The following FMN1 variants were observed in gnomAD, a reference collection of about 807,000 sequenced individuals.
FMN1 encodes formin-1.
Under a neutral mutation model 132.4 loss-of-function variants are expected in FMN1, and 110 were observed. The observed-to-expected ratio is 0.83, with a 90% CI of 0.71 to 0.97. FMN1 has a LOEUF of 0.97. FMN1 is among the 50% of genes least tolerant of loss of function. FMN1 has a pLI of 0.00. For missense variants in FMN1, 1,792 were observed against 1,705.3 expected, an observed-to-expected ratio of 1.05 and a Z score of -0.90; for synonymous variants, 722 against 651.7, an observed-to-expected ratio of 1.11 and a Z score of -1.64.
chr15:32,823,152 G>GTTTTTTTTTTTTTTT (rs373185751), intron 17 of FMN1, among the ~76,000 whole-genome samples: 1 of 86,228 alleles, frequency 1.2e-5, no homozygotes, highest in African/African-American at 5.3e-5. Context: ...AGTTTCTACT[G>GTTTTTTTTTTTTTTT]TTTTTTTTTT....
chr15:32,963,944 C>T (rs2030889972), intron 9 of FMN1, among the ~76,000 whole-genome samples, 163 bp downstream of exon 9: 1 of 149,804 alleles, frequency 6.7e-6, no homozygotes, highest in Non-Finnish European at 1.5e-5. Context: ...CACACACACA[C>T]ACAGAATATG....
Position 33,044,397 on chromosome 15 carries a change from G to A in FMN1, c.2161+20560C>T, listed in dbSNP as rs564587316. On this transcript the variant is annotated intron_variant, in intron 6 of 20. Transcript: ENST00000616417. Reference sequence around the variant, plus strand: ...GTGGGAACTTATGATGCTTTTTCCAGGCCCACCTATGGCCACCCATGGACC... The same window carrying A: ...GTGGGAACTTATGATGCTTTTTCCAAGCCCACCTATGGCCACCCATGGACC... Among the ~76,000 whole-genome samples, 39 of 152,294 alleles carry A rather than the reference G, an allele frequency of 2.6e-4. 1 individual carries two copies. The South Asian group carries it at 5.0e-3, about 19-fold the overall frequency.
chr15:33,027,507 G>A (rs1021335003), intron 6 of FMN1, among the ~76,000 whole-genome samples: 1 of 152,172 alleles, frequency 6.6e-6, no homozygotes, highest in African/African-American at 2.4e-5. Context: ...TTTGCACACA[G>A]GTGGAAACAG....
intron 4 of FMN1, among the ~76,000 whole-genome samples, chr15:33,147,745 G>A (rs754812659): frequency 4.6e-5 from 7 of 152,068 alleles, no homozygotes; most frequent in Non-Finnish European, 1.0e-4. Flanking sequence ...TACAGAAACT[G>A]ACCTTAAAAT....
At chr15:32,838,383 G>C (rs1567247772) in intron 17 of FMN1, among the ~76,000 whole-genome samples, 1 of 152,212 alleles carries the variant, frequency 6.6e-6, no homozygotes, top group South Asian at 2.1e-4. Context: ...AGCAACTGGT[G>C]CCCGATTTCT....
chr15:32,996,997 G>A (rs1225698746), intron 7 of FMN1, among the ~76,000 whole-genome samples: 2 of 152,198 alleles, frequency 1.3e-5, no homozygotes, highest in Admixed American at 6.5e-5. Context: ...GAAGTAAGGA[G>A]CTGGCAAGCT....
chr15:33,092,683 T>C (rs996755541), intron 4 of FMN1, among the ~76,000 whole-genome samples: 15 of 152,170 alleles, frequency 9.9e-5, no homozygotes, highest in African/African-American at 3.6e-4. Flanking sequence ...GGCCAGTACG[T>C]AAAAACAATA....
chr15:32,816,612 GC>G (rs1359368627), intron 17 of FMN1, among the ~76,000 whole-genome samples: 1 of 152,128 alleles, frequency 6.6e-6, no homozygotes, highest in African/African-American at 2.4e-5. Flanking sequence ...ATAGTTTTGG[GC>G]AAAAAAGAAA....
chr15:33,124,733 C>T (rs1188130052), intron 4 of FMN1, among the ~76,000 whole-genome samples: 2 of 152,106 alleles, frequency 1.3e-5, no homozygotes, highest in East Asian at 3.9e-4. Context: ...GAGGAAATCT[C>T]ACAAATCAGA....
intron 15 of FMN1, among the ~76,000 whole-genome samples, chr15:32,891,655 C>A (rs80064800): frequency 0.017 from 2,540 of 152,178 alleles, 64 homozygotes; most frequent in African/African-American, 0.059. Flanking sequence ...TACCTTTTCA[C>A]AATATTGATA....
At chr15:33,160,511 T>G (rs1355565012) in intron 3 of FMN1, among the ~76,000 whole-genome samples, 1 of 152,126 alleles carries the variant, frequency 6.6e-6, no homozygotes, top group African/African-American at 2.4e-5. Context: ...ATCACACATA[T>G]TTTTCATCCA....
intron 7 of FMN1, among the ~76,000 whole-genome samples, chr15:32,984,845 C>CA (rs929066544): frequency 7.2e-5 from 11 of 151,932 alleles, no homozygotes; most frequent in African/African-American, 2.7e-4. Context: ...CACTTGTGTA[C>CA]AAGACACACT....
At chr15:33,106,520 C>CCA (rs2039494442) in intron 4 of FMN1, among the ~76,000 whole-genome samples, 1 of 152,006 alleles carries the variant, frequency 6.6e-6, no homozygotes, top group Admixed American at 6.6e-5. Context: ...TCAGGAGCAT[C>CCA]CAGCAGGGTT....
intron 4 of FMN1, among the ~76,000 whole-genome samples, chr15:33,095,867 A>G (rs2039065576): frequency 6.6e-6 from 1 of 152,166 alleles, no homozygotes; most frequent in South Asian, 2.1e-4. Flanking sequence ...GAAGTAAAGT[A>G]GAGAAAAAAT....
chr15:32,999,911 T>C (rs1248535392), intron 7 of FMN1, among the ~76,000 whole-genome samples: 2 of 152,192 alleles, frequency 1.3e-5, no homozygotes, highest in African/African-American at 2.4e-5. Context: ...AAAGAAGTCC[T>C]ACTAATCCCA....
At chr15:32,954,413 T>C (rs1442352599) in intron 9 of FMN1, among the ~76,000 whole-genome samples, 1 of 152,178 alleles carries the variant, frequency 6.6e-6, no homozygotes, top group Non-Finnish European at 1.5e-5. Flanking sequence ...AAAATGAAAG[T>C]TGGCAGATCT....
Position 32,774,366 on chromosome 15 carries a change from A to C in FMN1, c.4216-12T>G, listed in dbSNP as rs757524899. 1.3e-6 allele frequency: 2 copies of C among 1,576,254 alleles called. No homozygotes were observed. The highest frequency in any genetic ancestry group is 2.4e-5 in the South Asian group (2 of 85,024). Reference sequence around the variant, plus strand: ...CGCAGTCTTTCTTTCTGTTAAGGAAAAAAAAATGAATGTATCATTTTCTTT... The same window carrying C: ...CGCAGTCTTTCTTTCTGTTAAGGAACAAAAAATGAATGTATCATTTTCTTT... On this transcript the variant is annotated splice_polypyrimidine_tract_variant and intron_variant, in intron 20 of 20. Coordinates refer to ENST00000616417, the MANE Select transcript of FMN1 (RefSeq NM_001277313.2).
At chr15:33,072,922 CAAA>C (rs200705106) in intron 5 of FMN1, among the ~76,000 whole-genome samples, 3 of 87,138 alleles carry the variant, frequency 3.4e-5, no homozygotes, top group South Asian at 3.1e-4. Context: ...GACTCCATCT[CAAA>C]AAAAAAAAAA....
chr15:32,954,416 G>A (rs552301810), intron 9 of FMN1, among the ~76,000 whole-genome samples: 40 of 152,134 alleles, frequency 2.6e-4, no homozygotes, highest in Admixed American at 1.0e-3. Context: ...ATGAAAGTTG[G>A]CAGATCTTGA....
Sources: allele counts gnomAD v4.1 joint callset (sites outside exome capture counted in the v4.1 genomes callset), GRCh38; gene constraint gnomAD v4.1.1; transcripts MANE v1.5; gene names NCBI Gene and HGNC (gene_info 2026-07-23, HGNC 2026-07-21).